TP63: variants seen among roughly 807,000 people sequenced by gnomAD.
The protein encoded by TP63 is tumor protein p63.
A neutral mutation model predicts 82.8 loss-of-function variants in TP63; 17 were observed. That is an observed-to-expected ratio of 0.21 (90% confidence interval 0.14 to 0.31). The LOEUF (loss-of-function observed/expected upper bound fraction) is 0.31. TP63 is among the 10% of genes least tolerant of loss of function. The pLI is 1.00. For synonymous variants in TP63, 330 were observed against 321.7 expected (o/e 1.03, Z -0.28); for missense variants, 648 against 895.3 (o/e 0.72, Z 3.52).
At chr3:189,614,204 A>C in the TP63 span, among the ~76,000 whole-genome samples, 1 of 151,938 alleles carries the variant, frequency 6.6e-6, no homozygotes, top group Non-Finnish European at 1.5e-5. Flanking sequence ...AGGGACCTAG[A>C]GGGAGGTTAT....
In TP63 at chr3:189,866,754, T is replaced by A. The variant is rs190865056; in HGVS notation, c.839T>A (p.Ile280Asn). ...CATGCCCAGTATGTAGAAGATCCCA[T>A]CACAGGAAGACAGAGTGTGCTGGTA... is the stretch of plus-strand genomic sequence containing the variant. ...NSHAQYVEDP[I>N]TGRQSVLVPY... Residue 280 changes from isoleucine to asparagine, a missense_variant, in exon 6 of 14, where the codon ATC (isoleucine) becomes AAC (asparagine). Ile to Asn is a moderately radical substitution (Grantham distance 149, BLOSUM62 -3). Around this residue, in one of 5 missense-constraint regions of TP63, gnomAD observed 30 missense variants for 26.4 expected, o/e 1.14. Transcript: ENST00000264731. 6.4e-4 allele frequency: 1,025 copies of A among 1,614,002 alleles called. 4 individuals are homozygous for A. Among genetic ancestry groups the A allele is most frequent in the Non-Finnish European group, 5.4e-5 (64 of 1,179,980 alleles).
intron 1 of TP63, among the ~76,000 whole-genome samples, chr3:189,633,459 T>G (rs954924275): frequency 6.6e-6 from 1 of 152,084 alleles, no homozygotes; most frequent in Non-Finnish European, 1.5e-5. Context: ...TAACTCCCAC[T>G]TAACACGTGA....
chr3:189,862,246 T>C (rs925825684), intron 4 of TP63, among the ~76,000 whole-genome samples: 2 of 152,196 alleles, frequency 1.3e-5, no homozygotes, highest in African/African-American at 4.8e-5. Context: ...TTGTAATACC[T>C]TCCTCTTAGG....
Position 189,848,241 on chromosome 3 carries a change from C to CCT in TP63, c.580-15991_580-15990insCT, listed in dbSNP as rs1560254282. On this transcript the variant is annotated intron_variant, in intron 4 of 13. Coordinates refer to ENST00000264731, the MANE Select transcript of TP63 (RefSeq NM_003722.5). ...CTGCCTCCTCCTCCTCCTCCTCCTT[C>CCT]TCTCTCTCTCTCTCTCTCTCTCTCT... 5.0e-5 allele frequency among the ~76,000 whole-genome samples: 7 copies of CCT among 139,320 alleles called. No homozygotes were observed. The South Asian group carries it at 1.2e-3, about 24-fold the overall frequency. The allele number at this position is 139,320 out of a possible 152,430, so 91.4% of individuals were successfully genotyped here. A position where few individuals can be genotyped will look rare whatever the true frequency, so the allele number is the denominator to read the frequency against.
intron 4 of TP63, among the ~76,000 whole-genome samples, chr3:189,848,258 T>TCTCTCTCTCTCTCTCTCTCG: frequency 6.7e-6 from 1 of 150,144 alleles, no homozygotes; most frequent in Non-Finnish European, 1.5e-5. Flanking sequence ...TCTCTCTCTC[T>TCTCTCTCTCTCTCTCTCTCG]CTCTCTCTCT....
At chr3:189,725,595 T>G (rs1577308751) in intron 1 of TP63, among the ~76,000 whole-genome samples, 1 of 152,054 alleles carries the variant, frequency 6.6e-6, no homozygotes, top group East Asian at 1.9e-4. Context: ...ATATATTTCC[T>G]TCACTTTGAA....
intron 3 of TP63, among the ~76,000 whole-genome samples, chr3:189,804,571 G>A: frequency 6.6e-6 from 1 of 152,122 alleles, no homozygotes; most frequent in African/African-American, 2.4e-5. Context: ...GCTTCCAATT[G>A]TACCCTGTTA....
intron 1 of TP63, among the ~76,000 whole-genome samples, chr3:189,641,854 A>G (rs1201457063): frequency 4.6e-5 from 7 of 152,194 alleles, no homozygotes; most frequent in African/African-American, 1.7e-4. Flanking sequence ...CATATAACAC[A>G]GTTCTTAAGT....
chr3:189,809,021 C>T (rs192671855), intron 4 of TP63, among the ~76,000 whole-genome samples: 13 of 152,094 alleles, frequency 8.5e-5, no homozygotes, highest in African/African-American at 2.9e-4. Flanking sequence ...TATGTTTATA[C>T]ATGTAGGTAT....
At chr3:189,637,411 G>GATGA (rs1729852273) in intron 1 of TP63, among the ~76,000 whole-genome samples, 1 of 152,096 alleles carries the variant, frequency 6.6e-6, no homozygotes, top group South Asian at 2.1e-4. Flanking sequence ...CATACCTCAA[G>GATGA]TTCCACTTTA....
At chr3:189,802,318 TG>T (rs1408526132) in intron 3 of TP63, among the ~76,000 whole-genome samples, 22 of 152,242 alleles carry the variant, frequency 1.4e-4, no homozygotes, top group Middle Eastern at 3.4e-3. Context: ...AAGCCTCAGG[TG>T]AAAGGTGGTT....
At chr3:189,736,931 G>A (rs772418354) in intron 1 of TP63, among the ~76,000 whole-genome samples, 26 of 152,008 alleles carry the variant, frequency 1.7e-4, no homozygotes, top group Non-Finnish European at 3.2e-4. Flanking sequence ...TGATCTGCCC[G>A]GATAATATTT....
At chr3:189,875,161 G>A (rs534762224) in intron 10 of TP63, among the ~76,000 whole-genome samples, 39 of 152,078 alleles carry the variant, frequency 2.6e-4, no homozygotes, top group African/African-American at 8.7e-4. Context: ...AATGCATAAA[G>A]GAAAGAGAGT....
chr3:189,707,271 C>A (rs1192575429), intron 1 of TP63, among the ~76,000 whole-genome samples: 1 of 152,150 alleles, frequency 6.6e-6, no homozygotes, highest in African/African-American at 2.4e-5. Flanking sequence ...TCTGTAATCA[C>A]AGCACTGATA....
At chr3:189,839,732 T>C (rs1713700224) in intron 4 of TP63, among the ~76,000 whole-genome samples, 2 of 152,204 alleles carry the variant, frequency 1.3e-5, no homozygotes, top group South Asian at 4.1e-4. Flanking sequence ...GCATTTACCC[T>C]GGACCAAGCA....
chr3:189,881,356 A>G (rs1719894696), intron 10 of TP63: 1 of 985,284 alleles, frequency 1.0e-6, no homozygotes, highest in African/African-American at 1.7e-5. Flanking sequence ...GACTTTAAAA[A>G]TGTTCCTCCC....
At chr3:189,821,933 G>A (rs1728836095) in intron 4 of TP63, among the ~76,000 whole-genome samples, 1 of 152,148 alleles carries the variant, frequency 6.6e-6, no homozygotes, top group African/African-American at 2.4e-5. Flanking sequence ...CTTCTTGAAA[G>A]CAGGGACTAT....
chr3:189,765,433 C>CTTTTGTTTTTTTTTTTTTTTTTTTTT (rs1722871537), intron 3 of TP63, among the ~76,000 whole-genome samples: 1 of 30,088 alleles, frequency 3.3e-5, no homozygotes, highest in Non-Finnish European at 5.9e-5. Context: ...CTGTCCTCTG[C>CTTTTGTTTTTTTTTTTTTTTTTTTTT]TTTTTTTTTT....
intron 1 of TP63, among the ~76,000 whole-genome samples, chr3:189,692,766 A>C (rs1280715632): frequency 6.6e-6 from 1 of 152,186 alleles, no homozygotes; most frequent in East Asian, 1.9e-4. Context: ...TGTTGCGAGC[A>C]ATGACCTGTC....
Sources: gnomAD v4.1 joint callset for allele counts (sites outside exome capture counted in the v4.1 genomes callset) on GRCh38, gnomAD v4.1.1 for gene constraint, gnomAD v4.1.1 regional missense constraint, MANE v1.5 for transcripts, NCBI Gene and HGNC (gene_info 2026-07-23, HGNC 2026-07-21) for gene names.